Variants in TENM1 observed in about 807,000 individuals in gnomAD.
TENM1 encodes the protein teneurin-1.
A neutral mutation model predicts 174.8 loss-of-function variants in TENM1; 35 were observed. That is an observed-to-expected ratio of 0.20 (90% CI 0.15 to 0.27). The LOEUF is 0.27. Ranked by LOEUF, TENM1 falls within the 10% of genes least tolerant of loss-of-function variation. The pLI, the probability that TENM1 is intolerant of heterozygous loss-of-function variation, is 1.00. For missense variants in TENM1, 1,633 were observed against 2,130.1 expected (o/e 0.77, Z 4.59); for synonymous variants, 781 against 798.7 (o/e 0.98, Z 0.37).
At chrX:124,689,072 C>A (rs2052450559) in intron 5 of TENM1, among the ~76,000 whole-genome samples, 1 of 111,631 alleles carries the variant, frequency 9.0e-6, no homozygotes, top group Non-Finnish European at 1.9e-5. Context: ...AAAATGCAAA[C>A]TAAGACACTG....
At chrX:124,482,044 A>G (rs1192872704) in intron 21 of TENM1, 80 bp from the exon 25 acceptor site, 1 of 583,301 alleles carries the variant, frequency 1.7e-6, no homozygotes, top group Non-Finnish European at 2.8e-6. Flanking sequence ...TCACAAATGG[A>G]AAAATCTTTT....
chrX:124,921,302 T>A (rs1236552151), intron 1 of TENM1, among the ~76,000 whole-genome samples: 1 of 111,027 alleles, frequency 9.0e-6, no homozygotes, highest in South Asian at 3.8e-4. Flanking sequence ...ACAAGGCAAC[T>A]GATACTCATT....
chrX:124,474,811 GT>G (rs2061370324), intron 22 of TENM1, among the ~76,000 whole-genome samples: 2 of 111,918 alleles, frequency 1.8e-5, no homozygotes, highest in South Asian at 7.4e-4. Flanking sequence ...TCTAATTCTG[GT>G]TGTATAACAG....
intron 3 of TENM1, among the ~76,000 whole-genome samples, chrX:124,754,794 G>A (rs1171992168): frequency 6.7e-5 from 7 of 105,135 alleles, no homozygotes; most frequent in East Asian, 3.0e-4. Flanking sequence ...GTAGTTGAGC[G>A]GTTTTGAGTG....
intron 27 of TENM1, among the ~76,000 whole-genome samples, chrX:124,399,896 C>T (rs966657432): frequency 9.9e-5 from 11 of 111,356 alleles, no homozygotes; most frequent in Admixed American, 7.6e-4. Flanking sequence ...CGCTTGAGCC[C>T]GGGAGTTAGA....
intron 23 of TENM1, among the ~76,000 whole-genome samples, chrX:124,436,580 G>A (rs1393903507): frequency 3.7e-5 from 4 of 108,555 alleles, no homozygotes; most frequent in East Asian, 2.9e-4. Context: ...TGCAAGCTCC[G>A]CTTCCCAGGT....
At chrX:125,149,663 C>T in the TENM1 span, among the ~76,000 whole-genome samples, 1 of 111,597 alleles carries the variant, frequency 9.0e-6, no homozygotes, top group Admixed American at 9.5e-5. Flanking sequence ...AATAATGCTA[C>T]ATAAAACATT....
At chrX:125,091,254 G>A in the TENM1 span, among the ~76,000 whole-genome samples, 7 of 111,665 alleles carry the variant, frequency 6.3e-5, no homozygotes, top group Non-Finnish European at 1.1e-4. Flanking sequence ...TTTTAAAGAC[G>A]AGGATGAGCA....
In TENM1 at chrX:124,473,588, C is replaced by T. The variant is rs2061358105; in HGVS notation, c.3949+8144G>A. On this transcript the variant is annotated intron_variant, in intron 22 of 31. Coordinates refer to ENST00000422452, the Ensembl canonical transcript of TENM1. ...AAGTATATCAGTGCTATTCCTCCACCTCTTCCCACTTTGCAGCTATTCTGC... is the reference window on the plus strand; with the variant it reads ...AAGTATATCAGTGCTATTCCTCCACTTCTTCCCACTTTGCAGCTATTCTGC... 2.7e-5 allele frequency among the ~76,000 whole-genome samples: 3 copies of T among 111,335 alleles called. No individual in the cohort carries two copies. The Admixed American group carries it at 2.9e-4, about 11-fold the overall frequency.
At chrX:124,954,783 T>C (rs898935605) in intron 1 of TENM1, among the ~76,000 whole-genome samples, 6 of 111,674 alleles carry the variant, frequency 5.4e-5, no homozygotes, top group Non-Finnish European at 3.8e-5. Flanking sequence ...CAATATTTAT[T>C]GTCATTAATG....
At chrX:125,162,953 G>A in the TENM1 span, among the ~76,000 whole-genome samples, 1 of 111,145 alleles carries the variant, frequency 9.0e-6, no homozygotes, top group Non-Finnish European at 1.9e-5. Context: ...AGTCACCCAA[G>A]GTTGAAGCCT....
intron 23 of TENM1, among the ~76,000 whole-genome samples, chrX:124,444,785 TG>T (rs2060948363): frequency 9.0e-6 from 1 of 111,548 alleles, no homozygotes; most frequent in East Asian, 2.8e-4. Context: ...GCTTCCATTC[TG>T]GAAGAATGGT....
chrX:124,716,240 A>T (rs778509891), intron 4 of TENM1, among the ~76,000 whole-genome samples: 1 of 112,234 alleles, frequency 8.9e-6, no homozygotes, highest in Non-Finnish European at 1.9e-5. Flanking sequence ...AAAATAAAAC[A>T]GCCAGAAGCA....
intron 5 of TENM1, among the ~76,000 whole-genome samples, chrX:124,680,768 C>T (rs1299260582): frequency 6.3e-5 from 7 of 110,368 alleles, no homozygotes; most frequent in Non-Finnish European, 1.3e-4. Context: ...TTCTATTTTA[C>T]TTCATTTTCT....
At chrX:124,881,273 A>C (rs1403903539) in intron 3 of TENM1, among the ~76,000 whole-genome samples, 1 of 111,845 alleles carries the variant, frequency 8.9e-6, no homozygotes, top group Non-Finnish European at 1.9e-5. Context: ...GTATGTGGCC[A>C]GGAATTTATC....
chrX:124,779,956 A>G (rs1029370013), intron 3 of TENM1, among the ~76,000 whole-genome samples: 5 of 111,936 alleles, frequency 4.5e-5, no homozygotes, highest in African/African-American at 1.6e-4. Context: ...AAATATTCAC[A>G]ATCCCATACT....
chrX:124,407,654 A>G (rs1205882998), intron 25 of TENM1, among the ~76,000 whole-genome samples: 1 of 112,608 alleles, frequency 8.9e-6, no homozygotes, highest in Admixed American at 9.4e-5. Context: ...TGGGAAAAGC[A>G]GTTGGACTGT....
intron 20 of TENM1, among the ~76,000 whole-genome samples, chrX:124,492,668 C>T (rs993530114): frequency 2.7e-5 from 3 of 110,455 alleles, no homozygotes; most frequent in Non-Finnish European, 5.7e-5. Flanking sequence ...ATGTATATTC[C>T]ATTAGCTTAT....
chrX:125,191,939 T>G, the TENM1 span, among the ~76,000 whole-genome samples: 3 of 110,744 alleles, frequency 2.7e-5, no homozygotes, highest in African/African-American at 6.6e-5. Flanking sequence ...TTTTTGTTTT[T>G]TTTTGTTTTG....
Sources: gnomAD v4.1 joint callset for allele counts (sites outside exome capture counted in the v4.1 genomes callset) on GRCh38, gnomAD v4.1.1 for gene constraint, MANE v1.5 for transcripts, NCBI Gene and HGNC (gene_info 2026-07-23, HGNC 2026-07-21) for gene names.